The following RAB33B variants were observed in gnomAD, a reference collection of about 807,000 sequenced individuals.
The protein encoded by RAB33B is RAB33B, member RAS oncogene family, also known as ras-related protein Rab-33B.
In RAB33B, 6 loss-of-function variants were observed where a neutral mutation model predicts 15.0. The observed-to-expected ratio is 0.40, with a 90% CI of 0.22 to 0.79. The LOEUF is 0.79. Ranked by LOEUF, RAB33B falls within the 30% of genes least tolerant of loss-of-function variation. The pLI is 0.37. For synonymous variants in RAB33B, 117 were observed against 108.3 expected (o/e 1.08, Z -0.50); for missense variants, 257 against 296.4 (o/e 0.87, Z 0.98).
chr4:139,471,350 C>T (rs138582784), intron 1 of RAB33B, among the ~76,000 whole-genome samples: 92 of 152,240 alleles, frequency 6.0e-4, no homozygotes, highest in Admixed American at 2.4e-3. Context: ...GCTGTGTTCT[C>T]CTTTTCCCAG....
In RAB33B at chr4:139,475,541, C is replaced by T. The variant is rs1231280656; in HGVS notation, c.*2415C>T. 1 of 151,734 alleles carries T rather than the reference C, an allele frequency of 6.6e-6. No homozygotes were observed. The highest frequency in any genetic ancestry group is 1.5e-5 in the Non-Finnish European group (1 of 67,850). 9.4% of individuals were successfully genotyped at this position (151,734 alleles called of 1,614,324 possible). On this transcript the variant is annotated 3_prime_UTR_variant, in exon 2 of 2. Coordinates refer to ENST00000305626, the MANE Select transcript of RAB33B (RefSeq NM_031296.3). The stretch of plus-strand genomic sequence containing the variant: ...ACCAGTTGAATGGGGTTAAAGCTTT[C>T]AATATCTTAAAATATTTATAAAACA...
At chr4:139,467,410 GA>G (rs1249541361) in intron 1 of RAB33B, among the ~76,000 whole-genome samples, 1 of 56,286 alleles carries the variant, frequency 1.8e-5, no homozygotes, top group African/African-American at 6.8e-5. Context: ...ACAACATTTT[GA>G]TTTTTTTTAG....
Position 139,472,883 on chromosome 4 carries a change from A to G in RAB33B, c.447A>G (p.Lys149=), listed in dbSNP as rs1479446859. The G allele has an allele frequency of 3.7e-6, 6 of 1,614,104 alleles. No homozygotes were observed. Among genetic ancestry groups the G allele is most frequent in the Admixed American group, 1.7e-5 (1 of 60,002 alleles). ...TACCACGGATTCTTGTTGGAAATAAATGTGACTTGAGAAGTGCCATACAGG... is the reference window on the plus strand; with the variant it reads ...TACCACGGATTCTTGTTGGAAATAAGTGTGACTTGAGAAGTGCCATACAGG... ...NDIPRILVGN[K]CDLRSAIQVP... Residue 149 remains lysine, a synonymous_variant, in exon 2 of 2, where the codon AAA becomes AAG. Transcript: ENST00000305626.
chr4:139,462,165 T>C (rs1750185629), intron 1 of RAB33B, among the ~76,000 whole-genome samples: 1 of 151,108 alleles, frequency 6.6e-6, no homozygotes, highest in Non-Finnish European at 1.5e-5. Context: ...GCCATTCTCC[T>C]GCCTCAGCCT....
At chr4:139,447,226 C>G in the RAB33B span, among the ~76,000 whole-genome samples, 1 of 152,146 alleles carries the variant, frequency 6.6e-6, no homozygotes, top group African/African-American at 2.4e-5. Context: ...ACGGAATGGC[C>G]TTTTGAAGTC....
chr4:139,441,491 A>G, the RAB33B span, among the ~76,000 whole-genome samples: 3 of 152,222 alleles, frequency 2.0e-5, no homozygotes, highest in Admixed American at 6.5e-5. Context: ...AGAAATTGAC[A>G]AAATTTAACC....
At chr4:139,471,117 G>GCCT (rs759135233) in intron 1 of RAB33B, among the ~76,000 whole-genome samples, 1 of 152,136 alleles carries the variant, frequency 6.6e-6, no homozygotes, top group Non-Finnish European at 1.5e-5. Flanking sequence ...ACTCGGAGTT[G>GCCT]CCTCAGAGTT....
chr4:139,462,144 C>T (rs1462051635), intron 1 of RAB33B, among the ~76,000 whole-genome samples: 7 of 150,876 alleles, frequency 4.6e-5, no homozygotes, highest in African/African-American at 1.7e-4. Flanking sequence ...AGCTCCGCCT[C>T]CCGGGTTCAC....
intron 1 of RAB33B, among the ~76,000 whole-genome samples, chr4:139,462,706 A>T (rs1750198373): frequency 6.6e-6 from 1 of 152,218 alleles, no homozygotes; most frequent in Non-Finnish European, 1.5e-5. Flanking sequence ...TCTTTGAAAT[A>T]AATTTTAGCT....
intron 1 of RAB33B, among the ~76,000 whole-genome samples, chr4:139,460,576 G>A (rs998455895): frequency 1.3e-5 from 2 of 152,140 alleles, no homozygotes; most frequent in African/African-American, 4.8e-5. Context: ...CCTTAAAACA[G>A]AATCAAATTG....
In RAB33B at chr4:139,454,373, G is replaced by T. The variant is rs1355924118; in HGVS notation, c.178G>T (p.Asp60Tyr). Residue 60 changes from aspartate to tyrosine, a missense_variant, in exon 1 of 2, where the codon GAC (aspartate) becomes TAC (tyrosine). Asp to Tyr is a radical substitution (Grantham distance 160). Coordinates refer to ENST00000305626, the MANE Select transcript of RAB33B (RefSeq NM_031296.3). ...TYRFCAGRFP[D>Y]RTEATIGVDF... is the part of the protein sequence containing the mutation. ...CCGCTTCTGCGCTGGCCGCTTCCCC[G>T]ACCGCACCGAGGCCACGATAGGGGT... 14 of 1,613,818 alleles carry T rather than the reference G, an allele frequency of 8.7e-6. No homozygotes were observed. Among genetic ancestry groups the T allele is most frequent in the East Asian group, 2.2e-5 (1 of 44,882 alleles).
At chr4:139,448,752 T>G (rs34607756), upstream of RAB33B, 31,489 of 151,722 alleles carry the variant, frequency 0.21, 3,581 homozygotes, top group Non-Finnish European at 0.26. Context: ...GTGTTCTGAG[T>G]TCTAAACATT....
At chr4:139,447,991 G>T in the RAB33B span, among the ~76,000 whole-genome samples, 1 of 152,004 alleles carries the variant, frequency 6.6e-6, no homozygotes, top group Non-Finnish European at 1.5e-5. Flanking sequence ...TAAGTCAACA[G>T]TCTAAGAAGG....
upstream of RAB33B, chr4:139,454,010 T>TGCCACACCTGTGCGGGC (rs1445109963): frequency 1.7e-4 from 100 of 592,204 alleles, no homozygotes; most frequent in Admixed American, 1.3e-3. Context: ...GGCGGGCGGG[T>TGCCACACCTGTGCGGGC]GCCACACCTG....
the RAB33B span, among the ~76,000 whole-genome samples, chr4:139,442,482 G>C: frequency 6.6e-6 from 1 of 152,144 alleles, no homozygotes; most frequent in Non-Finnish European, 1.5e-5. Context: ...TGCCAAAGGA[G>C]TTTAACATTT....
chr4:139,460,714 T>A (rs1750155734), intron 1 of RAB33B, among the ~76,000 whole-genome samples: 2 of 152,234 alleles, frequency 1.3e-5, no homozygotes, highest in Admixed American at 1.3e-4. Context: ...CTAAGAATGC[T>A]GAAGAATCTT....
At chr4:139,468,751 A>G (rs774539615) in intron 1 of RAB33B, among the ~76,000 whole-genome samples, 6 of 152,188 alleles carry the variant, frequency 3.9e-5, no homozygotes, top group Non-Finnish European at 7.3e-5. Context: ...GAGGTATGGT[A>G]TTGATCAAAC....
At position 139,466,954 on chromosome 4, in the gene RAB33B, G is replaced by A. The variant is rs1369401312; in HGVS notation, c.250-5732G>A. The stretch of plus-strand genomic sequence containing the variant: ...CTTCACTTTGATAGTGTCCTTAGAA[G>A]CACAAACTTTTTTTTTTTTTTTTTT... On this transcript the variant is annotated intron_variant, in intron 1 of 1. Coordinates refer to ENST00000305626, the MANE Select transcript of RAB33B (RefSeq NM_031296.3). 3.7e-5 allele frequency among the ~76,000 whole-genome samples: 5 copies of A among 136,124 alleles called. No individual in the cohort carries two copies. The East Asian group carries it at 6.7e-4, about 18-fold the overall frequency. The allele number at this position is 136,124 out of a possible 152,430, so 89.3% of individuals were successfully genotyped here. A position where few individuals can be genotyped will look rare whatever the true frequency, so the allele number is the denominator to read the frequency against.
intron 1 of RAB33B, among the ~76,000 whole-genome samples, chr4:139,466,208 G>T (rs1750281341): frequency 6.6e-6 from 1 of 152,050 alleles, no homozygotes; most frequent in South Asian, 2.1e-4. Context: ...TTTGAGGGCG[G>T]GTCTAAATTC....
Sources: allele counts gnomAD v4.1 joint callset (sites outside exome capture counted in the v4.1 genomes callset), GRCh38; gene constraint gnomAD v4.1.1; transcripts MANE v1.5; gene names NCBI Gene and HGNC (gene_info 2026-07-23, HGNC 2026-07-21).